Variants in PALS1 observed in about 807,000 individuals in gnomAD.
The protein encoded by PALS1 is protein associated with LIN7 1, MAGUK p55 family member.
Under a neutral mutation model 78.9 loss-of-function variants are expected in PALS1, and 31 were observed. The observed-to-expected ratio is 0.39, with a 90% CI of 0.30 to 0.53. The LOEUF (loss-of-function observed/expected upper bound fraction) is 0.53. Among genes scored for constraint, PALS1 ranks in the 20% least tolerant of loss-of-function variants. PALS1 has a pLI of 0.67. For synonymous variants in PALS1, 276 were observed against 270.9 expected (o/e 1.02, Z -0.18); for missense variants, 704 against 826.5 (o/e 0.85, Z 1.82).
intron 3 of PALS1, among the ~76,000 whole-genome samples, chr14:67,283,223 TAGA>T (rs2084628681): frequency 6.6e-6 from 1 of 152,176 alleles, no homozygotes; most frequent in South Asian, 2.1e-4. Context: ...AATATTTTCA[TAGA>T]ATTAATAGCA....
At chr14:67,305,188 GA>G (rs1475935562) in intron 8 of PALS1, among the ~76,000 whole-genome samples, 2 of 152,222 alleles carry the variant, frequency 1.3e-5, no homozygotes. Flanking sequence ...CATAACAGAG[GA>G]GGGTTGGAAT....
At position 67,316,906 on chromosome 14, in the gene PALS1, T is replaced by G; in HGVS notation, c.1297+3T>G. On this transcript the variant is annotated splice_donor_region_variant and intron_variant, in intron 10 of 14. Coordinates refer to ENST00000261681, the MANE Select transcript of PALS1 (RefSeq NM_022474.4). ...AGATAAGGAGCCAGAAAAATCAGGT[T>G]AGACACTTGTATTTGACATAAGTAA... 1 of 1,607,482 alleles carries G rather than the reference T, an allele frequency of 6.2e-7. No individual in the cohort carries two copies. The highest frequency in any genetic ancestry group is 1.1e-5 in the South Asian group (1 of 89,844).
At chr14:67,273,591 A>G (rs552936362) in intron 2 of PALS1, among the ~76,000 whole-genome samples, 3 of 152,198 alleles carry the variant, frequency 2.0e-5, no homozygotes, top group African/African-American at 7.2e-5. Flanking sequence ...ATATGTGTGC[A>G]TGTGTCTTTA....
intron 1 of PALS1, among the ~76,000 whole-genome samples, chr14:67,252,389 C>G (rs1027730990): frequency 2.0e-5 from 3 of 152,008 alleles, no homozygotes; most frequent in Admixed American, 2.0e-4. Flanking sequence ...TCCTGGTCTC[C>G]AGCAGTCCTC....
chr14:67,259,015 G>A (rs1165823622), intron 1 of PALS1, among the ~76,000 whole-genome samples: 1 of 151,184 alleles, frequency 6.6e-6, no homozygotes, highest in South Asian at 2.1e-4. Context: ...GCTAATTTTT[G>A]TATTTTTAGT....
intron 1 of PALS1, among the ~76,000 whole-genome samples, chr14:67,245,306 T>G (rs558513397): frequency 6.6e-6 from 1 of 152,182 alleles, no homozygotes; most frequent in South Asian, 2.1e-4. Context: ...TACATTCCTG[T>G]CAGCACTTGG....
At chr14:67,267,410 C>A (rs1247127917) in intron 1 of PALS1, among the ~76,000 whole-genome samples, 2 of 152,008 alleles carry the variant, frequency 1.3e-5, no homozygotes, top group Middle Eastern at 3.2e-3. Flanking sequence ...AGGCATGCAC[C>A]ACCACACCTG....
chr14:67,276,960 A>T (rs1221995148), intron 2 of PALS1, among the ~76,000 whole-genome samples: 1 of 152,220 alleles, frequency 6.6e-6, no homozygotes, highest in Non-Finnish European at 1.5e-5. Context: ...ATCATTTAAT[A>T]TTAAATTTGA....
chr14:67,309,322 T>C (rs1404253284), intron 8 of PALS1, among the ~76,000 whole-genome samples: 1 of 152,196 alleles, frequency 6.6e-6, no homozygotes, highest in African/African-American at 2.4e-5. Context: ...AAAAGTCATA[T>C]AGTATCTGTT....
At chr14:67,323,845 G>A (rs754605141) in intron 14 of PALS1, 33 bp downstream of exon 14, 4 of 1,139,740 alleles carry the variant, frequency 3.5e-6, no homozygotes, top group African/African-American at 3.2e-5. Context: ...CTATTCCATT[G>A]AAGGTAAACA....
chr14:67,326,806 C>T (rs1312141400), intron 14 of PALS1, among the ~76,000 whole-genome samples: 1 of 152,190 alleles, frequency 6.6e-6, no homozygotes, highest in Non-Finnish European at 1.5e-5. Context: ...AGTTCATTCC[C>T]TCTTAATGCT....
chr14:67,277,804 C>T (rs1046370784), intron 2 of PALS1, among the ~76,000 whole-genome samples: 3 of 151,996 alleles, frequency 2.0e-5, no homozygotes, highest in Non-Finnish European at 4.4e-5. Flanking sequence ...TCATGTGAAA[C>T]TCAGAACTGT....
rs760127048 is a variant in PALS1, at chr14:67,326,221, A to ATTT, written c.1851+2445_1851+2447dup. Among the ~76,000 whole-genome samples, 10 of 12,914 alleles carry ATTT rather than the reference A, an allele frequency of 7.7e-4. 3 individuals carry two copies. Among genetic ancestry groups the ATTT allele is most frequent in the Admixed American group, 1.1e-3 (1 of 902 alleles). 8.5% of individuals were successfully genotyped at this position (12,914 alleles called of 152,430 possible). A position where few individuals can be genotyped will look rare whatever the true frequency, so the allele number is the denominator to read the frequency against. Reference sequence around the variant, plus strand: ...ATCCTAAAATTTCAATTTAGGTCTGATTTTTTTTTTTTTTTTTTTTTTTTT... The same window carrying ATTT: ...ATCCTAAAATTTCAATTTAGGTCTGATTTTTTTTTTTTTTTTTTTTTTTTTTTT... On this transcript the variant is annotated intron_variant, in intron 14 of 14. Transcript: ENST00000261681.
Position 67,332,994 on chromosome 14 carries a change from G to C in PALS1, c.*38G>C. On this transcript the variant is annotated 3_prime_UTR_variant, in exon 15 of 15. Transcript: ENST00000261681. Reference sequence around the variant, plus strand: ...TTCTGTGGCATGTTGGACTTGATCTGGCAAAAACTGCCAATAGGAGGACTG... The same window carrying C: ...TTCTGTGGCATGTTGGACTTGATCTCGCAAAAACTGCCAATAGGAGGACTG... 1.3e-6 allele frequency: 2 copies of C among 1,568,994 alleles called. No homozygotes were observed. The highest frequency in any genetic ancestry group is 1.7e-6 in the Non-Finnish European group (2 of 1,150,488).
chr14:67,329,754 C>T (rs960804100), intron 14 of PALS1, among the ~76,000 whole-genome samples: 3 of 152,058 alleles, frequency 2.0e-5, no homozygotes, highest in South Asian at 2.1e-4. Context: ...TGGTGGTGCA[C>T]GCCTGTGGTA....
In PALS1 at chr14:67,272,665, G is replaced by T. The variant is rs2140602669; in HGVS notation, c.-154+2882G>T. 1.3e-5 allele frequency among the ~76,000 whole-genome samples: 2 copies of T among 151,992 alleles called. 1 individual carries two copies. Among genetic ancestry groups the T allele is most frequent in the South Asian group, 4.2e-4 (2 of 4,814 alleles). On this transcript the variant is annotated intron_variant, in intron 2 of 14. Coordinates refer to ENST00000261681, the MANE Select transcript of PALS1 (RefSeq NM_022474.4). ...CTACTGATTCTGTAACCTACATATTGCTTTTGTTTTTGAGACAGAGTCTCG... is the reference window on the plus strand; with the variant it reads ...CTACTGATTCTGTAACCTACATATTTCTTTTGTTTTTGAGACAGAGTCTCG...
In PALS1 at chr14:67,333,141, T is replaced by C; in HGVS notation, c.*185T>C. On this transcript the variant is annotated 3_prime_UTR_variant, in exon 15 of 15. Transcript: ENST00000261681. ...CTTAGGCAGTTTGTGCATGGCATCCTTTATTCTCTATACATGGCTTTAGCG... is the reference window on the plus strand; with the variant it reads ...CTTAGGCAGTTTGTGCATGGCATCCCTTATTCTCTATACATGGCTTTAGCG... 3.8e-6 allele frequency: 2 copies of C among 521,852 alleles called. No homozygotes were observed. The highest frequency in any genetic ancestry group is 6.9e-5 in the Admixed American group (2 of 29,090). The allele number at this position is 521,852 out of a possible 1,614,324, so 32.3% of individuals were successfully genotyped here.
chr14:67,328,654 A>G (rs930915773), intron 14 of PALS1, among the ~76,000 whole-genome samples: 10 of 152,284 alleles, frequency 6.6e-5, no homozygotes, highest in African/African-American at 1.9e-4. Flanking sequence ...TAACTTTTGT[A>G]TAAGGTGTAA....
chr14:67,321,057 A>C lies in PALS1; in HGVS notation c.1538A>C (p.His513Pro). Residue 513 changes from histidine to proline, a missense_variant and splice_region_variant, in exon 13 of 15, where the codon CAT becomes CCT. Coordinates refer to ENST00000261681, the MANE Select transcript of PALS1 (RefSeq NM_022474.4). ...TTTCTATCTGATTTTGTTTGCCTAG[A>C]TACAACCCGGAGTAGGCGAGACCAA... is the stretch of plus-strand genomic sequence containing the variant. ...EKDRFASAVP[H>P]TTRSRRDQEV... 6.2e-7 allele frequency: 1 copy of C among 1,614,024 alleles called. No homozygotes were observed. Among genetic ancestry groups the C allele is most frequent in the Non-Finnish European group, 8.5e-7 (1 of 1,179,912 alleles).
Sources: allele counts gnomAD v4.1 joint callset (sites outside exome capture counted in the v4.1 genomes callset), GRCh38; gene constraint gnomAD v4.1.1; transcripts MANE v1.5; gene names NCBI Gene and HGNC (gene_info 2026-07-23, HGNC 2026-07-21).